Variants in ABLIM1 observed in about 807,000 individuals in gnomAD.
The protein encoded by ABLIM1 is actin-binding LIM protein 1.
Under a neutral mutation model 107.0 loss-of-function variants are expected in ABLIM1, and 40 were observed. The observed-to-expected ratio is 0.37, with a 90% confidence interval of 0.29 to 0.49. ABLIM1 has a LOEUF of 0.49. ABLIM1 is among the 20% of genes least tolerant of loss of function. The pLI is 0.97. For synonymous variants in ABLIM1, 357 were observed against 357.3 expected (o/e 1.00, Z 0.01); for missense variants, 857 against 1,008.5 (o/e 0.85, Z 2.04).
At chr10:114,506,184 G>A (rs2135800162) in intron 6 of ABLIM1, among the ~76,000 whole-genome samples, 1 of 152,308 alleles carries the variant, frequency 6.6e-6, no homozygotes, top group African/African-American at 2.4e-5. Flanking sequence ...TGTTGCGAAG[G>A]ACATGATTTT....
Position 114,444,151 on chromosome 10 carries a change from G to GAAA in ABLIM1, c.1828-18_1828-17insTTT. On this transcript the variant is annotated splice_polypyrimidine_tract_variant and intron_variant, in intron 16 of 22. Transcript: ENST00000533213. The stretch of plus-strand genomic sequence containing the variant: ...TGAGTTAAGCTATTCACAGAAAAAA[G>GAAA]GAAAAAAAAAAAAAAAAGAAAGCAA... 1 of 1,239,198 alleles carries GAAA rather than the reference G, an allele frequency of 8.1e-7. No homozygotes were observed. The highest frequency in any genetic ancestry group is 2.8e-5 in the East Asian group (1 of 35,164). 76.8% of individuals were successfully genotyped at this position (1,239,198 alleles called of 1,614,324 possible). A position where few individuals can be genotyped will look rare whatever the true frequency, so the allele number is the denominator to read the frequency against.
At chr10:114,550,258 A>G (rs1312343524) in intron 4 of ABLIM1, among the ~76,000 whole-genome samples, 1 of 152,198 alleles carries the variant, frequency 6.6e-6, no homozygotes, top group Non-Finnish European at 1.5e-5. Context: ...CAAAATTTTT[A>G]TAAAAGGAAT....
chr10:114,637,764 T>C (rs1173209368), intron 1 of ABLIM1, among the ~76,000 whole-genome samples: 2 of 152,222 alleles, frequency 1.3e-5, no homozygotes, highest in Non-Finnish European at 2.9e-5. Context: ...TCTAAGGATC[T>C]TGGGATAGTA....
rs144008972 is a variant in ABLIM1, at chr10:114,761,983, GCTCT to G, written c.-213+6074_-213+6077del. ...CCATAATTCTCACTCTATCCCATAT[GCTCT>G]CTCTCTCTCTCTCTCTCTCTCTCAC... is the stretch of plus-strand genomic sequence containing the variant. On this transcript the variant is annotated intron_variant, in intron 1 of 15. Coordinates refer to the ABLIM1 transcript ENST00000651092. Among the ~76,000 whole-genome samples, 385 of 145,702 alleles carry G rather than the reference GCTCT, an allele frequency of 2.6e-3. 1 individual carries two copies. Among genetic ancestry groups the G allele is most frequent in the East Asian group, 3.9e-3 (19 of 4,894 alleles).
At chr10:114,755,639 C>T (rs1057015736) in intron 1 of ABLIM1, among the ~76,000 whole-genome samples, 8 of 152,228 alleles carry the variant, frequency 5.3e-5, no homozygotes, top group Admixed American at 1.3e-4. Context: ...AGTAAAACTT[C>T]AGTGAGGTCC....
chr10:114,517,676 G>A (rs1379064950), intron 6 of ABLIM1, among the ~76,000 whole-genome samples: 1 of 152,042 alleles, frequency 6.6e-6, no homozygotes, highest in African/African-American at 2.4e-5. Flanking sequence ...TTCACAGCAG[G>A]ACAAAAAACT....
At chr10:114,698,136 A>G (rs1170303987) in intron 1 of ABLIM1, among the ~76,000 whole-genome samples, 1 of 152,132 alleles carries the variant, frequency 6.6e-6, no homozygotes, top group Non-Finnish European at 1.5e-5. Flanking sequence ...ATACACAAAC[A>G]CATGATTCTA....
At chr10:114,626,287 C>G (rs1003509383) in intron 1 of ABLIM1, among the ~76,000 whole-genome samples, 1 of 152,198 alleles carries the variant, frequency 6.6e-6, no homozygotes, top group Non-Finnish European at 1.5e-5. Flanking sequence ...CTGGACCCAG[C>G]AGCTTGAGGC....
intron 2 of ABLIM1, among the ~76,000 whole-genome samples, chr10:114,582,954 A>C (rs992897955): frequency 1.1e-4 from 16 of 152,188 alleles, no homozygotes; most frequent in African/African-American, 3.9e-4. Context: ...CGGCCTTGGC[A>C]AAGAATTTAT....
intron 1 of ABLIM1, among the ~76,000 whole-genome samples, chr10:114,698,049 G>A (rs1365816042): frequency 1.3e-5 from 2 of 151,866 alleles, no homozygotes; most frequent in African/African-American, 2.4e-5. Context: ...CCCCCTATTA[G>A]TTAATTAACA....
intron 4 of ABLIM1, among the ~76,000 whole-genome samples, chr10:114,568,114 C>T (rs1320923106): frequency 7.1e-6 from 1 of 141,082 alleles, no homozygotes; most frequent in East Asian, 2.1e-4. Flanking sequence ...GGCGTGAACC[C>T]GGGAAGCGGA....
chr10:114,718,100 A>AAAGGAAGG (rs1566269736), intron 1 of ABLIM1, among the ~76,000 whole-genome samples: 1 of 119,968 alleles, frequency 8.3e-6, no homozygotes, highest in Non-Finnish European at 1.8e-5. Flanking sequence ...GAAGGAAAAG[A>AAAGGAAGG]AAAAGAAAAA....
intron 1 of ABLIM1, among the ~76,000 whole-genome samples, chr10:114,607,801 G>T (rs930631176): frequency 6.6e-6 from 1 of 152,238 alleles, no homozygotes; most frequent in Non-Finnish European, 1.5e-5. Flanking sequence ...TCACAGCCAA[G>T]AGGAGCCTAC....
chr10:114,705,523 TA>T (rs1404495411), intron 1 of ABLIM1, among the ~76,000 whole-genome samples: 2 of 152,070 alleles, frequency 1.3e-5, no homozygotes, highest in Non-Finnish European at 2.9e-5. Flanking sequence ...AGGCTTGACA[TA>T]ACGAGTAAGG....
rs1278082480 is a variant in ABLIM1, at chr10:114,551,692, G to A, written c.674-3916C>T. ...GAAGTCAACTTCAGATTCGCCTTAG[G>A]CTCCCAGTCTCTAGACCCTATTTTC... On this transcript the variant is annotated intron_variant, in intron 4 of 22. Transcript: ENST00000533213. 4.6e-5 allele frequency among the ~76,000 whole-genome samples: 7 copies of A among 152,190 alleles called. No homozygotes were observed. The East Asian group carries it at 1.3e-3, about 29-fold the overall frequency.
the ABLIM1 span, among the ~76,000 whole-genome samples, chr10:114,798,565 C>CCCT: frequency 6.8e-6 from 1 of 146,900 alleles, no homozygotes; most frequent in Non-Finnish European, 1.5e-5. Flanking sequence ...GACCCCCCCC[C>CCCT]CATGTCTACA....
At chr10:114,793,780 G>A in the ABLIM1 span, among the ~76,000 whole-genome samples, 1 of 152,176 alleles carries the variant, frequency 6.6e-6, no homozygotes, top group Non-Finnish European at 1.5e-5. Context: ...GAGCTGTACT[G>A]TAGTCTCCAA....
intron 1 of ABLIM1, among the ~76,000 whole-genome samples, chr10:114,712,896 T>C (rs951790262): frequency 6.6e-6 from 1 of 152,134 alleles, no homozygotes; most frequent in African/African-American, 2.4e-5. Context: ...GAAACACGCA[T>C]CTTCATGGCC....
intron 1 of ABLIM1, chr10:114,613,623 T>C (rs756891475): frequency 4.3e-5 from 55 of 1,270,722 alleles, no homozygotes; most frequent in South Asian, 8.7e-5. Context: ...CTCTTGCTCT[T>C]GCACTGTGAA....
Sources: gnomAD v4.1 joint callset for allele counts (sites outside exome capture counted in the v4.1 genomes callset) on GRCh38, gnomAD v4.1.1 for gene constraint, MANE v1.5 for transcripts, NCBI Gene and HGNC (gene_info 2026-07-23, HGNC 2026-07-21) for gene names.